Variants in IGDCC4 observed in about 807,000 individuals in gnomAD.
IGDCC4 encodes the protein immunoglobulin superfamily DCC subclass member 4.
IGDCC4 carries 72 observed loss-of-function variants against 116.6 expected under a neutral mutation model. The ratio of observed to expected loss-of-function variants is 0.62; its 90% confidence interval spans 0.51 to 0.75. The LOEUF is 0.75. Among genes scored for constraint, IGDCC4 ranks in the 30% least tolerant of loss-of-function variants. IGDCC4 has a pLI of 0.00. For missense variants in IGDCC4, 1,501 were observed against 1,662.4 expected (o/e 0.90, Z 1.69); for synonymous variants, 709 against 719.9 (o/e 0.98, Z 0.24).
At chr15:65,385,780 C>T (rs367907464) in intron 18 of IGDCC4, 51 bp downstream of exon 18, 7 of 1,436,668 alleles carry the variant, frequency 4.9e-6, no homozygotes, top group South Asian at 1.1e-5. Context: ...TGCTCTGTCG[C>T]CCCCTGGTGT....
rs2091402525 is a variant in IGDCC4, at chr15:65,381,656, AC to A, written c.*2352del. The stretch of plus-strand genomic sequence containing the variant: ...AAATAAATGAGCAAGTACTGATTAC[AC>A]TTGTCATGCATCAAGAAAAGGAAGA... On this transcript the variant is annotated 3_prime_UTR_variant, in exon 20 of 20. Transcript: ENST00000352385. 2 of 152,364 alleles carry A rather than the reference AC, an allele frequency of 1.3e-5. No homozygotes were observed. Among genetic ancestry groups the A allele is most frequent in the Admixed American group, 1.3e-4 (2 of 15,294 alleles). The allele number at this position is 152,364 out of a possible 1,614,324, so 9.4% of individuals were successfully genotyped here.
chr15:65,397,495 C>CA (rs1177742714), intron 5 of IGDCC4, among the ~76,000 whole-genome samples: 1 of 152,062 alleles, frequency 6.6e-6, no homozygotes, highest in Non-Finnish European at 1.5e-5. Context: ...CCAAGAAACA[C>CA]AAAAATGTTC....
intron 1 of IGDCC4, among the ~76,000 whole-genome samples, chr15:65,419,590 A>C (rs1402612027): frequency 1.3e-5 from 2 of 152,226 alleles, no homozygotes; most frequent in African/African-American, 4.8e-5. Flanking sequence ...CCTAACTTCC[A>C]AGATGGGGAA....
intron 5 of IGDCC4, among the ~76,000 whole-genome samples, chr15:65,399,447 CAAA>C (rs112040935): frequency 1.4e-4 from 10 of 71,164 alleles, no homozygotes; most frequent in Admixed American, 1.5e-4. Flanking sequence ...GGGTGACAGG[CAAA>C]AAAAAAAAAA....
At position 65,385,859 on chromosome 15, in the gene IGDCC4, GA is replaced by G. The variant is rs2091450867; in HGVS notation, c.3151del (p.Ser1051LeufsTer19). 1.2e-6 allele frequency: 2 copies of G among 1,612,758 alleles called. No homozygotes were observed. The highest frequency in any genetic ancestry group is 1.7e-6 in the Non-Finnish European group (2 of 1,180,024). ...EVHSLMGGGVSEGRSHSKRKI... is the reference protein window; with the variant it reads ...EVHSLMGGGVXEGRSHSKRKI... ...TCTTTTGGAGTGACTCCGGCCTTCAGAAACACCGCCACCCATAAGGCTGTGC... is the reference window on the plus strand; with the variant it reads ...TCTTTTGGAGTGACTCCGGCCTTCAGAACACCGCCACCCATAAGGCTGTGC... On this transcript the variant is annotated frameshift_variant, in exon 18 of 20. Transcript: ENST00000352385. LOFTEE classifies it high-confidence loss of function.
intron 1 of IGDCC4, among the ~76,000 whole-genome samples, chr15:65,420,242 C>T (rs1356306720): frequency 6.6e-6 from 1 of 152,196 alleles, no homozygotes; most frequent in Non-Finnish European, 1.5e-5. Context: ...CCACCGCACC[C>T]GGCCTATTTC....
chr15:65,410,564 A>G (rs2063081496), intron 2 of IGDCC4: 2 of 557,692 alleles, frequency 3.6e-6, no homozygotes, highest in Non-Finnish European at 6.4e-6. Flanking sequence ...ACTATACAGT[A>G]AGATGCACAC....
intron 1 of IGDCC4, among the ~76,000 whole-genome samples, chr15:65,413,613 A>G (rs946215336): frequency 6.6e-6 from 1 of 152,238 alleles, no homozygotes; most frequent in African/African-American, 2.4e-5. Flanking sequence ...TGTGTCTTCC[A>G]GAAGGTTGAC....
At chr15:65,409,925 G>A (rs926013985) in intron 3 of IGDCC4, among the ~76,000 whole-genome samples, 2 of 152,298 alleles carry the variant, frequency 1.3e-5, no homozygotes, top group African/African-American at 4.8e-5. Flanking sequence ...TGGACTAGAT[G>A]TGCTGGGAAG....
chr15:65,389,594 C>T (rs1273058940), intron 13 of IGDCC4, among the ~76,000 whole-genome samples, 183 bp from the exon 14 acceptor site: 3 of 152,216 alleles, frequency 2.0e-5, no homozygotes, highest in Admixed American at 6.5e-5. Flanking sequence ...TGGATGTATG[C>T]TGCTCCAAGT....
At chr15:65,417,846 T>G (rs985771428) in intron 1 of IGDCC4, among the ~76,000 whole-genome samples, 2 of 152,232 alleles carry the variant, frequency 1.3e-5, no homozygotes, top group Admixed American at 6.5e-5. Flanking sequence ...TCCGCCCACC[T>G]TGGCCTCCCA....
Position 65,391,870 on chromosome 15 carries a change from C to T in IGDCC4, c.2224+10G>A. On this transcript the variant is annotated intron_variant, in intron 12 of 19. Coordinates refer to ENST00000352385, the MANE Select transcript of IGDCC4 (RefSeq NM_020962.3). ...GAGCCCTCCCCGCCTTCTTCCCCCA[C>T]CGCCCTCACCTGGTGCCGGCGCCTT... 1 of 1,610,204 alleles carries T rather than the reference C, an allele frequency of 6.2e-7. No homozygotes were observed. The highest frequency in any genetic ancestry group is 8.5e-7 in the Non-Finnish European group (1 of 1,177,486).
chr15:65,389,339 G>T lies in IGDCC4; in HGVS notation c.2481C>A (p.Gly827=). ...AGCCGAAAGGCCCATCCATGTCCAC[G>T]CCGTGAGACTGCACTGCAAACTCGT... is the stretch of plus-strand genomic sequence containing the variant. ...TKYEFAVQSH[G]VDMDGPFGSV... Residue 827 remains glycine (G), a synonymous_variant, in exon 14 of 20, where the codon GGC becomes GGA. Transcript: ENST00000352385. The T allele has an allele frequency of 1.9e-6, 3 of 1,614,160 alleles. No homozygotes were observed. The highest frequency in any genetic ancestry group is 2.5e-6 in the Non-Finnish European group (3 of 1,180,024).
chr15:65,411,637 T>G (rs1334480059), intron 1 of IGDCC4, among the ~76,000 whole-genome samples: 2 of 152,148 alleles, frequency 1.3e-5, no homozygotes. Context: ...ACCTGATGAA[T>G]GGATAGATTA....
At chr15:65,388,757 G>A (rs528128173) in intron 15 of IGDCC4, 51 bp downstream of exon 15, 18 of 1,610,558 alleles carry the variant, frequency 1.1e-5, no homozygotes, top group East Asian at 2.2e-5. Flanking sequence ...TGCTGGAAGC[G>A]GGAGAGGCTG....
At position 65,398,748 on chromosome 15, in the gene IGDCC4, A is replaced by G. The variant is rs113772752; in HGVS notation, c.842-1759T>C. ...CTACTAAAAATACAAACCATTAGCCAGGCGTGGTGGCGGGTGCCTGTAGTC... is the reference window on the plus strand; with the variant it reads ...CTACTAAAAATACAAACCATTAGCCGGGCGTGGTGGCGGGTGCCTGTAGTC... On this transcript the variant is annotated intron_variant, in intron 5 of 19. Transcript: ENST00000352385. Among the ~76,000 whole-genome samples the G allele has an allele frequency of 9.8e-3, 1,491 of 151,660 alleles. 8 individuals are homozygous for G. The highest frequency in any genetic ancestry group is 0.015 in the Non-Finnish European group (991 of 67,886).
At chr15:65,422,074 C>T (rs1467403519) in intron 1 of IGDCC4, among the ~76,000 whole-genome samples, 1 of 152,006 alleles carries the variant, frequency 6.6e-6, no homozygotes, top group Admixed American at 6.5e-5. Flanking sequence ...AAGCGCTGGA[C>T]ATGTCCACGA....
chr15:65,391,855 C>T (rs370389846), intron 12 of IGDCC4, 25 bp downstream of exon 12: 140 of 1,604,704 alleles, frequency 8.7e-5, no homozygotes, highest in Non-Finnish European at 1.0e-4. Flanking sequence ...GAGCCCTCCC[C>T]GCCTTCTTCC....
chr15:65,386,250 C>T (rs1042467733), intron 17 of IGDCC4, among the ~76,000 whole-genome samples, 191 bp from the exon 18 acceptor site: 6 of 152,234 alleles, frequency 3.9e-5, no homozygotes, highest in Non-Finnish European at 7.3e-5. Flanking sequence ...GGCTCTTCTT[C>T]CCTTGGCTGC....
Sources: gnomAD v4.1 joint callset for allele counts (sites outside exome capture counted in the v4.1 genomes callset) on GRCh38, gnomAD v4.1.1 for gene constraint, MANE v1.5 for transcripts, NCBI Gene and HGNC (gene_info 2026-07-23, HGNC 2026-07-21) for gene names.